ZNF609: variants seen among roughly 807,000 people sequenced by gnomAD.
The protein encoded by ZNF609 is zinc finger protein 609.
In ZNF609, 11 loss-of-function variants were observed where a neutral mutation model predicts 109.5. The ratio of observed to expected loss-of-function variants is 0.10; its 90% CI spans 0.06 to 0.17. The LOEUF (loss-of-function observed/expected upper bound fraction) is 0.17. Among genes scored for constraint, ZNF609 ranks in the 10% least tolerant of loss-of-function variants. The pLI is 1.00. For missense variants in ZNF609, 1,559 were observed against 1,772.4 expected (o/e 0.88, Z 2.16); for synonymous variants, 646 against 662.0 (o/e 0.98, Z 0.37).
At chr15:64,469,651 T>G (rs1785009161) in intron 1 of ZNF609, among the ~76,000 whole-genome samples, 2 of 152,126 alleles carry the variant, frequency 1.3e-5, no homozygotes, top group South Asian at 4.1e-4. Flanking sequence ...GAGGGTTTTG[T>G]AGCCTCATTC....
At chr15:64,631,074 T>C in intron 3 of ZNF609, 1 of 384,338 alleles carries the variant, frequency 2.6e-6, no homozygotes, top group Non-Finnish European at 4.9e-6. Flanking sequence ...GAAACATTTT[T>C]ACAGTCCTGA....
At chr15:64,668,711 T>C in intron 3 of ZNF609, among the ~76,000 whole-genome samples, 1 of 152,034 alleles carries the variant, frequency 6.6e-6, no homozygotes, top group Non-Finnish European at 1.5e-5. Flanking sequence ...CCCAGCACTT[T>C]GGGAGGTTGA....
At chr15:64,549,213 G>A (rs754381478) in intron 2 of ZNF609, among the ~76,000 whole-genome samples, 2 of 151,966 alleles carry the variant, frequency 1.3e-5, no homozygotes, top group East Asian at 1.9e-4. Flanking sequence ...TTTTTGAGAC[G>A]GAGTTTAGCT....
intron 3 of ZNF609, among the ~76,000 whole-genome samples, chr15:64,623,289 T>C (rs905439485): frequency 6.6e-6 from 1 of 152,170 alleles, no homozygotes; most frequent in Non-Finnish European, 1.5e-5. Context: ...TATGCAGTCA[T>C]GTGATAGGTA....
chr15:64,470,487 G>C (rs954649271), intron 1 of ZNF609: 2 of 152,100 alleles, frequency 1.3e-5, no homozygotes, highest in African/African-American at 2.4e-5. Context: ...GGAACTTTCA[G>C]ATTGAGAGTA....
At chr15:64,650,887 TGGGTGGGGG>T (rs1330808239) in intron 3 of ZNF609, among the ~76,000 whole-genome samples, 3 of 139,204 alleles carry the variant, frequency 2.2e-5, no homozygotes, top group Non-Finnish European at 4.7e-5. Flanking sequence ...TTTGTGTTGA[TGGGTGGGGG>T]GGGGATCCTT....
At chr15:64,664,599 T>A (rs1896622289) in intron 3 of ZNF609, among the ~76,000 whole-genome samples, 1 of 152,218 alleles carries the variant, frequency 6.6e-6, no homozygotes, top group African/African-American at 2.4e-5. Context: ...CTTGGTCTGT[T>A]AAGTGTTATT....
chr15:64,567,151 C>A (rs55738347), intron 2 of ZNF609, among the ~76,000 whole-genome samples: 1 of 152,024 alleles, frequency 6.6e-6, no homozygotes, highest in African/African-American at 2.4e-5. Flanking sequence ...ATTTTATATT[C>A]TTTCAGTGGG....
intron 2 of ZNF609, among the ~76,000 whole-genome samples, chr15:64,594,971 C>T (rs1474633498): frequency 2.9e-5 from 4 of 136,516 alleles, no homozygotes; most frequent in South Asian, 2.4e-4. Flanking sequence ...GCTTACAGTC[C>T]GGCCTGGGCA....
intron 3 of ZNF609, among the ~76,000 whole-genome samples, chr15:64,624,761 C>T (rs1005312049): frequency 3.0e-5 from 4 of 131,874 alleles, no homozygotes; most frequent in Admixed American, 8.2e-5. Context: ...GTTACGTACA[C>T]TTTTTTTTTT....
At chr15:64,619,915 A>C (rs1895854141) in intron 2 of ZNF609, among the ~76,000 whole-genome samples, 1 of 152,180 alleles carries the variant, frequency 6.6e-6, no homozygotes, top group African/African-American at 2.4e-5. Flanking sequence ...TTTATCTAGA[A>C]TGTATTAGCA....
At position 64,499,375 on chromosome 15, in the gene ZNF609, G is replaced by A. The variant is rs202205752; in HGVS notation, c.-45G>A. ...TGAAGCTGAAAATAGGAAAGCTGGG[G>A]GCAAGGAAGAGCCTTGAATCTTGAG... On this transcript the variant is annotated 5_prime_UTR_variant, in exon 2 of 10. Coordinates refer to ENST00000326648, the MANE Select transcript of ZNF609 (RefSeq NM_015042.2). The A allele has an allele frequency of 1.2e-5, 19 of 1,587,374 alleles. No individual in the cohort carries two copies. In the East Asian group the frequency reaches 3.8e-4, roughly 32 times the overall value.
At chr15:64,562,513 C>T (rs1380121263) in intron 2 of ZNF609, among the ~76,000 whole-genome samples, 2 of 152,154 alleles carry the variant, frequency 1.3e-5, no homozygotes, top group Non-Finnish European at 1.5e-5. Context: ...GATGAAGGCA[C>T]TAATGTGACA....
chr15:64,532,489 TA>T (rs1388483172), intron 2 of ZNF609, among the ~76,000 whole-genome samples: 2 of 152,230 alleles, frequency 1.3e-5, no homozygotes, highest in Non-Finnish European at 2.9e-5. Context: ...TGGTAAATAC[TA>T]ATCTCATTTT....
intron 3 of ZNF609, among the ~76,000 whole-genome samples, chr15:64,669,396 A>G (rs1220817372): frequency 6.6e-6 from 1 of 152,244 alleles, no homozygotes; most frequent in Non-Finnish European, 1.5e-5. Context: ...ATATTTGGGT[A>G]CATGAAAAAA....
intron 8 of ZNF609, among the ~76,000 whole-genome samples, chr15:64,681,063 G>A (rs1896878251): frequency 6.6e-6 from 1 of 151,404 alleles, no homozygotes; most frequent in South Asian, 2.1e-4. Flanking sequence ...TTCCTCCCTT[G>A]GAGTTTGGGG....
rs1458428968 is a variant in ZNF609, at chr15:64,674,072, T to C, written c.1218T>C (p.Asn406=). 4 of 1,613,984 alleles carry C rather than the reference T, an allele frequency of 2.5e-6. No homozygotes were observed. The highest frequency in any genetic ancestry group is 3.4e-6 in the Non-Finnish European group (4 of 1,180,022). The change falls in exon 5 of 10, where the codon AAT becomes AAC. Residue 406 remains asparagine (N), a synonymous_variant. Coordinates refer to ENST00000326648, the MANE Select transcript of ZNF609 (RefSeq NM_015042.2). ...SNSSKTRAGA[N]SKGRRGSQNS... ...GCAGCAAAACCCGGGCAGGAGCCAA[T>C]AGCAAAGGCCGTCGGGGCAGCCAGA... is the stretch of plus-strand genomic sequence containing the variant.
At chr15:64,494,034 T>C (rs1488703136) in intron 1 of ZNF609, among the ~76,000 whole-genome samples, 1 of 152,250 alleles carries the variant, frequency 6.6e-6, no homozygotes, top group East Asian at 1.9e-4. Context: ...CTGCTGGGTT[T>C]GGAAACCTAG....
chr15:64,505,083 A>G (rs1020215501), intron 2 of ZNF609, among the ~76,000 whole-genome samples: 3 of 152,228 alleles, frequency 2.0e-5, no homozygotes, highest in African/African-American at 7.2e-5. Context: ...TAGACACTCA[A>G]TAAACAAAGG....
Sources: allele counts gnomAD v4.1 joint callset (sites outside exome capture counted in the v4.1 genomes callset), GRCh38; gene constraint gnomAD v4.1.1; transcripts MANE v1.5; gene names NCBI Gene and HGNC (gene_info 2026-07-23, HGNC 2026-07-21).